Variants in BMAL1 observed in about 807,000 individuals in gnomAD.
BMAL1 encodes basic helix-loop-helix ARNT like 1.
At chr11:13,352,799 A>G in the BMAL1 span, among the ~76,000 whole-genome samples, 1 of 152,092 alleles carries the variant, frequency 6.6e-6, no homozygotes, top group African/African-American at 2.4e-5. Flanking sequence ...GCTCACACTC[A>G]CCCTCCTGTT....
At chr11:13,328,492 G>A in the BMAL1 span, among the ~76,000 whole-genome samples, 6 of 152,108 alleles carry the variant, frequency 3.9e-5, no homozygotes, top group Non-Finnish European at 7.4e-5. Context: ...TCCAGCAGCC[G>A]TAGGCATGAT....
the BMAL1 span, among the ~76,000 whole-genome samples, chr11:13,351,144 G>A: frequency 3.8e-4 from 58 of 152,194 alleles, no homozygotes; most frequent in Non-Finnish European, 7.9e-4. Context: ...AGGCTTGGCA[G>A]GGTTTGCATT....
the BMAL1 span, among the ~76,000 whole-genome samples, chr11:13,287,833 T>G: frequency 2.0e-5 from 3 of 152,230 alleles, no homozygotes; most frequent in Non-Finnish European, 2.9e-5. Flanking sequence ...GCATATTTAT[T>G]TAGGCATAGT....
the BMAL1 span, among the ~76,000 whole-genome samples, chr11:13,381,944 T>C: frequency 6.6e-6 from 1 of 152,164 alleles, no homozygotes; most frequent in African/African-American, 2.4e-5. Flanking sequence ...AGGCCATCAT[T>C]TTGGACACAA....
chr11:13,372,027 G>A, the BMAL1 span: 2 of 1,214,168 alleles, frequency 1.6e-6, no homozygotes, highest in East Asian at 2.3e-5. Context: ...TTCATTAGAT[G>A]CTTACTTCTG....
the BMAL1 span, chr11:13,354,233 G>T: frequency 3.8e-6 from 4 of 1,048,540 alleles, no homozygotes; most frequent in Admixed American, 1.2e-4. Context: ...GCACCAACCT[G>T]GGTTCTCCAC....
chr11:13,346,440 G>T, the BMAL1 span, among the ~76,000 whole-genome samples: 1 of 152,094 alleles, frequency 6.6e-6, no homozygotes, highest in Non-Finnish European at 1.5e-5. Context: ...GTAGATGGTC[G>T]GTATGGGTTT....
the BMAL1 span, among the ~76,000 whole-genome samples, chr11:13,284,260 ATATATATTTTT>A: frequency 0.21 from 4,162 of 19,892 alleles, 604 homozygotes; most frequent in African/African-American, 0.32. Context: ...ATATATATAT[ATATATATTTTT>A]TTTTTTAATG....
chr11:13,342,507 G>A, the BMAL1 span, among the ~76,000 whole-genome samples: 8 of 152,130 alleles, frequency 5.3e-5, no homozygotes, highest in Admixed American at 2.0e-4. Context: ...GTGTGTGGAT[G>A]CATACACTTG....
chr11:13,360,866 C>T, the BMAL1 span, among the ~76,000 whole-genome samples: 1 of 152,176 alleles, frequency 6.6e-6, no homozygotes, highest in African/African-American at 2.4e-5. Context: ...GCCTATAATC[C>T]CAGCACTTTG....
chr11:13,331,917 C>T, the BMAL1 span, among the ~76,000 whole-genome samples: 2 of 152,100 alleles, frequency 1.3e-5, no homozygotes, highest in African/African-American at 4.8e-5. Flanking sequence ...GTTGGGATAC[C>T]AAAGGCCAGC....
At chr11:13,331,223 A>G in the BMAL1 span, among the ~76,000 whole-genome samples, 6 of 152,224 alleles carry the variant, frequency 3.9e-5, no homozygotes, top group Non-Finnish European at 8.8e-5. Flanking sequence ...AGATATGTGT[A>G]TATAACAGAT....
chr11:13,361,185 T>TTG, the BMAL1 span, among the ~76,000 whole-genome samples: 1 of 152,156 alleles, frequency 6.6e-6, no homozygotes, highest in Non-Finnish European at 1.5e-5. Flanking sequence ...CCTGCTTGAC[T>TTG]TGAGTGCTCT....
At chr11:13,298,987 G>A in the BMAL1 span, among the ~76,000 whole-genome samples, 2 of 152,258 alleles carry the variant, frequency 1.3e-5, no homozygotes, top group Non-Finnish European at 2.9e-5. Flanking sequence ...GGCGGTCTGC[G>A]CCCCCAGCTG....
the BMAL1 span, among the ~76,000 whole-genome samples, chr11:13,304,722 G>A: frequency 6.6e-6 from 1 of 152,204 alleles, no homozygotes; most frequent in African/African-American, 2.4e-5. Flanking sequence ...CTCTAGGGGG[G>A]TGAGATATGC....
chr11:13,279,495 G>A, the BMAL1 span, among the ~76,000 whole-genome samples: 1 of 152,150 alleles, frequency 6.6e-6, no homozygotes, highest in Non-Finnish European at 1.5e-5. Context: ...TTTAATTAAT[G>A]TACCCGTTGA....
the BMAL1 span, among the ~76,000 whole-genome samples, chr11:13,338,505 T>C: frequency 4.6e-4 from 70 of 152,294 alleles, no homozygotes; most frequent in African/African-American, 1.4e-3. Context: ...CCCCAGCCCA[T>C]TGGTTATTCA....
chr11:13,350,702 G>T, the BMAL1 span, among the ~76,000 whole-genome samples: 2 of 152,088 alleles, frequency 1.3e-5, no homozygotes, highest in Non-Finnish European at 2.9e-5. Context: ...AAATTCCTAA[G>T]CTTAGGTAGT....
the BMAL1 span, among the ~76,000 whole-genome samples, chr11:13,316,131 C>T: frequency 1.3e-5 from 2 of 152,322 alleles, no homozygotes; most frequent in African/African-American, 4.8e-5. Context: ...TCTCCTGGTC[C>T]TCTTGATCTG....
Sources: allele counts gnomAD v4.1 joint callset (sites outside exome capture counted in the v4.1 genomes callset), GRCh38; gene constraint gnomAD v4.1.1; transcripts MANE v1.5; gene names NCBI Gene and HGNC (gene_info 2026-07-23, HGNC 2026-07-21).